EEFSEC: variants seen among roughly 807,000 people sequenced by gnomAD.
EEFSEC encodes selenocysteine-specific elongation factor.
In EEFSEC, 43 loss-of-function variants were observed where a neutral mutation model predicts 42.1. The observed-to-expected ratio is 1.02, with a 90% CI of 0.80 to 1.32. The LOEUF is 1.32. EEFSEC is among the 40% of genes most tolerant of loss of function. The pLI, the probability that EEFSEC is intolerant of heterozygous loss-of-function variation, is 0.00. For synonymous variants in EEFSEC, 354 were observed against 339.1 expected (o/e 1.04, Z -0.48); for missense variants, 745 against 803.6 (o/e 0.93, Z 0.88).
chr3:128,394,630 G>A (rs184149484), intron 6 of EEFSEC, among the ~76,000 whole-genome samples: 2 of 152,316 alleles, frequency 1.3e-5, no homozygotes, highest in African/African-American at 4.8e-5. Context: ...TAGGGAGTGA[G>A]TGTTTGGAGT....
intron 4 of EEFSEC, among the ~76,000 whole-genome samples, chr3:128,323,401 G>T (rs902213768): frequency 1.3e-5 from 2 of 152,216 alleles, no homozygotes; most frequent in African/African-American, 2.4e-5. Context: ...TTGGGCTGTG[G>T]TGGAGCCCAT....
intron 6 of EEFSEC, among the ~76,000 whole-genome samples, chr3:128,360,603 C>G (rs1401672074): frequency 6.6e-6 from 1 of 152,046 alleles, no homozygotes; most frequent in Non-Finnish European, 1.5e-5. Flanking sequence ...AGGCAAGAAC[C>G]AAGAGGAGTC....
At chr3:128,191,834 C>CA (rs1321960259) in intron 1 of EEFSEC, among the ~76,000 whole-genome samples, 1 of 152,066 alleles carries the variant, frequency 6.6e-6, no homozygotes, top group African/African-American at 2.4e-5. Context: ...ATCGATAGAC[C>CA]ACATTTTGTT....
chr3:128,307,476 T>C (rs1037904617), intron 4 of EEFSEC, among the ~76,000 whole-genome samples: 1 of 152,210 alleles, frequency 6.6e-6, no homozygotes, highest in East Asian at 1.9e-4. Context: ...TCCTGGAAGT[T>C]AAGGCCTGGC....
At chr3:128,255,757 G>A (rs1166951413) in intron 2 of EEFSEC, among the ~76,000 whole-genome samples, 1 of 152,160 alleles carries the variant, frequency 6.6e-6, no homozygotes, top group Non-Finnish European at 1.5e-5. Context: ...GGGGTGTCAA[G>A]CAAGAGGGCT....
intron 6 of EEFSEC, among the ~76,000 whole-genome samples, chr3:128,378,886 C>T (rs1188514577): frequency 1.3e-5 from 2 of 152,200 alleles, no homozygotes; most frequent in African/African-American, 2.4e-5. Flanking sequence ...GCAAACTCTC[C>T]ACAGGCAATC....
chr3:128,358,108 C>A, intron 5 of EEFSEC, 109 bp from the exon 6 acceptor site: 1 of 1,446,388 alleles, frequency 6.9e-7, no homozygotes, highest in Non-Finnish European at 9.4e-7. Flanking sequence ...GAGCGGGCAG[C>A]AGCCAGCCAT....
At chr3:128,369,021 T>G (rs1480652673) in intron 6 of EEFSEC, among the ~76,000 whole-genome samples, 4 of 152,252 alleles carry the variant, frequency 2.6e-5, no homozygotes. Context: ...GTGGTCTCTG[T>G]GTTGGCACCA....
At chr3:128,287,034 C>A (rs2066593243) in intron 4 of EEFSEC, among the ~76,000 whole-genome samples, 1 of 152,210 alleles carries the variant, frequency 6.6e-6, no homozygotes, top group South Asian at 2.1e-4. Context: ...ACAGTTCACC[C>A]TTACCACTGA....
At chr3:128,369,031 A>G (rs2067623409) in intron 6 of EEFSEC, among the ~76,000 whole-genome samples, 1 of 152,258 alleles carries the variant, frequency 6.6e-6, no homozygotes, top group Non-Finnish European at 1.5e-5. Context: ...TGTTGGCACC[A>G]GGTCCTTAAT....
At position 128,153,751 on chromosome 3, in the gene EEFSEC, G is replaced by A. The variant is rs751970437; in HGVS notation, c.244G>A (p.Gly82Ser). Residue 82 changes from glycine to serine, a missense_variant, in exon 1 of 7, where the codon GGC becomes AGC. Transcript: ENST00000254730. ...AGCGCCCGAGGCCGAGCCCGAGCCC[G>A]GCGAGCCACTGCTTCAGGTCACGCT... ...QAAPEAEPEP[G>S]EPLLQVTLVD... 159 of 1,540,422 alleles carry A rather than the reference G, an allele frequency of 1.0e-4. No homozygotes were observed. The African/African-American group carries it at 1.6e-3, about 16-fold the overall frequency.
At chr3:128,290,363 C>T (rs1476215065) in intron 4 of EEFSEC, among the ~76,000 whole-genome samples, 2 of 151,512 alleles carry the variant, frequency 1.3e-5, no homozygotes, top group African/African-American at 2.4e-5. Flanking sequence ...TTTGAATTGC[C>T]TTGGCATCTC....
At chr3:128,313,325 A>G (rs867663792) in intron 4 of EEFSEC, among the ~76,000 whole-genome samples, 1 of 152,238 alleles carries the variant, frequency 6.6e-6, no homozygotes, top group Non-Finnish European at 1.5e-5. Flanking sequence ...GATGCAAGGA[A>G]GGGTTTATCC....
At chr3:128,209,437 G>T (rs1416353954) in intron 1 of EEFSEC, among the ~76,000 whole-genome samples, 1 of 152,150 alleles carries the variant, frequency 6.6e-6, no homozygotes, top group Non-Finnish European at 1.5e-5. Flanking sequence ...TGGGGAACTT[G>T]GATGGTATGG....
At chr3:128,283,072 G>C (rs2066545462) in intron 4 of EEFSEC, among the ~76,000 whole-genome samples, 1 of 152,234 alleles carries the variant, frequency 6.6e-6, no homozygotes, top group South Asian at 2.1e-4. Context: ...CTCCCCATCA[G>C]GACCTGCTGT....
chr3:128,168,234 C>A (rs183699374), intron 1 of EEFSEC, among the ~76,000 whole-genome samples: 65 of 152,170 alleles, frequency 4.3e-4, no homozygotes, highest in African/African-American at 1.3e-3. Flanking sequence ...GAGAAGAGGC[C>A]CTCCAGAGGC....
chr3:128,280,790 C>T (rs1026637910), intron 4 of EEFSEC, among the ~76,000 whole-genome samples: 7 of 152,210 alleles, frequency 4.6e-5, no homozygotes, highest in African/African-American at 1.4e-4. Context: ...CTTCACTAGC[C>T]GCCCTGCATG....
intron 6 of EEFSEC, among the ~76,000 whole-genome samples, chr3:128,362,810 G>A (rs776581617): frequency 6.6e-6 from 1 of 152,202 alleles, no homozygotes; most frequent in Non-Finnish European, 1.5e-5. Context: ...CCTAGCAGCG[G>A]GTGCTGCTCA....
At chr3:128,332,846 A>G (rs904016422) in intron 4 of EEFSEC, among the ~76,000 whole-genome samples, 10 of 152,168 alleles carry the variant, frequency 6.6e-5, no homozygotes, top group Admixed American at 6.5e-5. Flanking sequence ...TAGGCGGGGG[A>G]AAATGTCTTA....
Sources: allele counts gnomAD v4.1 joint callset (sites outside exome capture counted in the v4.1 genomes callset), GRCh38; gene constraint gnomAD v4.1.1; transcripts MANE v1.5; gene names NCBI Gene and HGNC (gene_info 2026-07-23, HGNC 2026-07-21).